The following EPS15 variants were observed in gnomAD, a reference collection of about 807,000 sequenced individuals.
EPS15 encodes epidermal growth factor receptor substrate 15.
In EPS15, 72 loss-of-function variants were observed where a neutral mutation model predicts 113.8. The observed-to-expected ratio is 0.63, with a 90% CI of 0.52 to 0.77. The LOEUF is 0.77. Ranked by LOEUF, EPS15 falls within the 30% of genes least tolerant of loss-of-function variation. EPS15 has a pLI of 0.00. For synonymous variants in EPS15, 344 were observed against 363.4 expected (o/e 0.95, Z 0.61); for missense variants, 1,048 against 1,045.8 (o/e 1.00, Z -0.03).
At chr1:51,457,661 T>C (rs1471769593) in intron 8 of EPS15, 1 of 152,048 alleles carries the variant, frequency 6.6e-6, no homozygotes, top group Non-Finnish European at 1.5e-5. Context: ...TTTAATAATT[T>C]TGTGCATGAA....
intron 21 of EPS15, among the ~76,000 whole-genome samples, chr1:51,370,425 A>T (rs1184583896): frequency 6.6e-6 from 1 of 152,168 alleles, no homozygotes; most frequent in Admixed American, 6.5e-5. Context: ...TCCTGAAACC[A>T]AAAATGCTCC....
At chr1:51,391,317 G>T (rs1378275161) in intron 21 of EPS15, among the ~76,000 whole-genome samples, 1 of 152,052 alleles carries the variant, frequency 6.6e-6, no homozygotes, top group Non-Finnish European at 1.5e-5. Flanking sequence ...CCTTTCGTGG[G>T]TTGGGGGGAA....
At chr1:51,474,405 A>C (rs1174579891) in intron 2 of EPS15, among the ~76,000 whole-genome samples, 1 of 152,230 alleles carries the variant, frequency 6.6e-6, no homozygotes, top group African/African-American at 2.4e-5. Context: ...CTTTCAGACC[A>C]TATTGGTAGA....
In EPS15 at chr1:51,374,023, G is replaced by T. The variant is rs866153336; in HGVS notation, c.2120-7994C>A. On this transcript the variant is annotated intron_variant, in intron 21 of 24. Coordinates refer to ENST00000371733, the MANE Select transcript of EPS15 (RefSeq NM_001981.3). Reference sequence around the variant, plus strand: ...CTGGAAATGATGAAAATTAAGAGAAGAAATATGAAAGAAAGCAGAGGCTAA... The same window carrying T: ...CTGGAAATGATGAAAATTAAGAGAATAAATATGAAAGAAAGCAGAGGCTAA... Among the ~76,000 whole-genome samples the T allele has an allele frequency of 1.4e-4, 22 of 152,284 alleles. No individual in the cohort carries two copies. The Middle Eastern group carries it at 0.014, about 94-fold the overall frequency.
chr1:51,412,258 T>C (rs959653269), intron 13 of EPS15, among the ~76,000 whole-genome samples: 1 of 152,120 alleles, frequency 6.6e-6, no homozygotes, highest in African/African-American at 2.4e-5. Flanking sequence ...ACCTAATACA[T>C]GCAGAGCTTA....
intron 5 of EPS15, among the ~76,000 whole-genome samples, chr1:51,466,345 G>A (rs947705508): frequency 1.3e-5 from 2 of 151,798 alleles, no homozygotes; most frequent in African/African-American, 4.8e-5. Flanking sequence ...ATCTAGGCTA[G>A]GTGTGGTGGC....
chr1:51,364,252 A>G (rs992742115), intron 22 of EPS15, among the ~76,000 whole-genome samples: 1 of 152,226 alleles, frequency 6.6e-6, no homozygotes, highest in African/African-American at 2.4e-5. Flanking sequence ...TAAGATTAAC[A>G]GATCAAACCA....
chr1:51,403,710 A>T (rs1231475909), intron 16 of EPS15, among the ~76,000 whole-genome samples, 178 bp from the exon 17 acceptor site: 1 of 152,174 alleles, frequency 6.6e-6, no homozygotes, highest in Non-Finnish European at 1.5e-5. Context: ...CATCAAAGTC[A>T]CTCATGTCAG....
At position 51,444,943 on chromosome 1, in the gene EPS15, A is replaced by G. The variant is rs751056773; in HGVS notation, c.900T>C (p.Pro300=). 2 of 1,613,942 alleles carry G rather than the reference A, an allele frequency of 1.2e-6. No individual in the cohort carries two copies. Among genetic ancestry groups the G allele is most frequent in the South Asian group, 2.2e-5 (2 of 91,072 alleles). The change falls in exon 11 of 25, where the codon CCT becomes CCC. Residue 300 remains proline, a synonymous_variant. Coordinates refer to ENST00000371733, the MANE Select transcript of EPS15 (RefSeq NM_001981.3). The part of the protein sequence containing the change: ...SQKLIKGIDP[P]HVLTPEMIPP... ...GAATCATTTCAGGAGTAAGAACGTG[A>G]GGAGGATCAATGCCCTTGATTAACT...
In EPS15 at chr1:51,355,612, A is replaced by C. The variant is rs2148332316; in HGVS notation, c.*1088T>G. 1 of 192,714 alleles carries C rather than the reference A, an allele frequency of 5.2e-6. No homozygotes were observed. Among genetic ancestry groups the C allele is most frequent in the East Asian group, 8.2e-5 (1 of 12,142 alleles). The allele number at this position is 192,714 out of a possible 1,614,324, so 11.9% of individuals were successfully genotyped here. A position where few individuals can be genotyped will look rare whatever the true frequency, so the allele number is the denominator to read the frequency against. ...AAAACATGAAGTGAGTAAATAAACT[A>C]AACCACAAAGATGGACAAAAAGCAA... On this transcript the variant is annotated 3_prime_UTR_variant, in exon 25 of 25. Coordinates refer to ENST00000371733, the MANE Select transcript of EPS15 (RefSeq NM_001981.3).
rs1188283533 is a variant in EPS15 at position 51,356,005 on chromosome 1, G to A, written c.*695C>T. On this transcript the variant is annotated 3_prime_UTR_variant, in exon 25 of 25. Coordinates refer to ENST00000371733, the MANE Select transcript of EPS15 (RefSeq NM_001981.3). Reference sequence around the variant, plus strand: ...TTAGCAAACACACTGAGAGGTATCTGTTGATCTAAAATTCTCTAAATCCAG... The same window carrying A: ...TTAGCAAACACACTGAGAGGTATCTATTGATCTAAAATTCTCTAAATCCAG... 2 of 194,576 alleles carry A rather than the reference G, an allele frequency of 1.0e-5. No individual in the cohort carries two copies. Among genetic ancestry groups the A allele is most frequent in the Non-Finnish European group, 2.1e-5 (2 of 93,634 alleles). The allele number at this position is 194,576 out of a possible 1,614,324, so 12.1% of individuals were successfully genotyped here.
At chr1:51,375,160 C>A (rs1401101740) in intron 21 of EPS15, among the ~76,000 whole-genome samples, 1 of 151,720 alleles carries the variant, frequency 6.6e-6, no homozygotes, top group Admixed American at 6.6e-5. Context: ...CGCCACCACG[C>A]CCGGCTAATT....
chr1:51,411,569 A>G lies in EPS15; in HGVS notation c.1114-1873T>C, dbSNP rs1649728254. ...AGGAGAAGAAATTTTAAATGAGGAA[A>G]TAAGTACATTTTAAATCTTAGTTAA... On this transcript the variant is annotated intron_variant, in intron 13 of 24. Transcript: ENST00000371733. Among the ~76,000 whole-genome samples, 4 of 152,244 alleles carry G rather than the reference A, an allele frequency of 2.6e-5. No individual in the cohort carries two copies. The South Asian group carries it at 8.3e-4, about 31-fold the overall frequency.
At chr1:51,415,796 C>CAAAAAAAAAAA (rs55806131) in intron 13 of EPS15, among the ~76,000 whole-genome samples, 1 of 21,928 alleles carries the variant, frequency 4.6e-5, no homozygotes, top group African/African-American at 1.7e-4. Flanking sequence ...AACTCCGTCT[C>CAAAAAAAAAAA]AAAAAAAAAA....
intron 13 of EPS15, among the ~76,000 whole-genome samples, 180 bp downstream of exon 13, chr1:51,421,606 T>C (rs949513409): frequency 2.0e-5 from 3 of 152,128 alleles, no homozygotes; most frequent in Non-Finnish European, 4.4e-5. Context: ...CAGTATAATC[T>C]TTGCAGGCCA....
chr1:51,433,251 A>G (rs1305939195), intron 12 of EPS15, among the ~76,000 whole-genome samples: 4 of 152,030 alleles, frequency 2.6e-5, no homozygotes, highest in African/African-American at 7.3e-5. Context: ...GTGAACAGCT[A>G]TTGAGTAAAT....
chr1:51,374,996 CTTTTTTTT>C (rs761941054), intron 21 of EPS15, among the ~76,000 whole-genome samples: 2 of 108,772 alleles, frequency 1.8e-5, no homozygotes, highest in South Asian at 2.9e-4. Context: ...TAATATACTT[CTTTTTTTT>C]TTTTTTTTTT....
intron 2 of EPS15, among the ~76,000 whole-genome samples, chr1:51,480,266 C>T (rs1643996384): frequency 6.6e-6 from 1 of 152,166 alleles, no homozygotes; most frequent in Non-Finnish European, 1.5e-5. Context: ...GGTAGTGAGA[C>T]TGTTAGAAAA....
At chr1:51,372,417 A>C (rs540267100) in intron 21 of EPS15, 15 of 535,026 alleles carry the variant, frequency 2.8e-5, no homozygotes, top group Non-Finnish European at 5.3e-5. Context: ...TGATGTATCC[A>C]ACAGTTCTGG....
Sources: gnomAD v4.1 joint callset for allele counts (sites outside exome capture counted in the v4.1 genomes callset) on GRCh38, gnomAD v4.1.1 for gene constraint, MANE v1.5 for transcripts, NCBI Gene and HGNC (gene_info 2026-07-23, HGNC 2026-07-21) for gene names.